The following ADAMTS19 variants were observed in gnomAD, a reference collection of about 807,000 sequenced individuals.
ADAMTS19 encodes the protein A disintegrin and metalloproteinase with thrombospondin motifs 19.
Under a neutral mutation model 153.3 loss-of-function variants are expected in ADAMTS19, and 93 were observed. The observed-to-expected ratio is 0.61, with a 90% confidence interval of 0.51 to 0.72. The LOEUF (loss-of-function observed/expected upper bound fraction) is 0.72, where lower values mean the gene tolerates loss of function less well. Among genes scored for constraint, ADAMTS19 ranks in the 30% least tolerant of loss-of-function variants. ADAMTS19 has a pLI of 0.00. For missense variants in ADAMTS19, 1,482 were observed against 1,552.1 expected (o/e 0.95, Z 0.76); for synonymous variants, 600 against 556.6 (o/e 1.08, Z -1.10).
At chr5:129,619,185 T>C (rs1049160112) in intron 8 of ADAMTS19, among the ~76,000 whole-genome samples, 12 of 151,960 alleles carry the variant, frequency 7.9e-5, no homozygotes, top group Non-Finnish European at 1.6e-4. Context: ...AGACAGCATA[T>C]GGGGTTGCAG....
chr5:129,493,826 T>G (rs1404618675), intron 2 of ADAMTS19, among the ~76,000 whole-genome samples: 2 of 152,162 alleles, frequency 1.3e-5, no homozygotes, highest in African/African-American at 4.8e-5. Context: ...CTAGAGAAGT[T>G]CTACCATTAG....
At chr5:129,608,755 G>T (rs1013185119) in intron 8 of ADAMTS19, among the ~76,000 whole-genome samples, 1 of 150,932 alleles carries the variant, frequency 6.6e-6, no homozygotes, top group African/African-American at 2.4e-5. Context: ...CTTGAGACCT[G>T]AGAATTGCTC....
chr5:129,612,713 T>A (rs974073447), intron 8 of ADAMTS19, among the ~76,000 whole-genome samples: 18 of 152,118 alleles, frequency 1.2e-4, no homozygotes, highest in Non-Finnish European at 2.6e-4. Flanking sequence ...GTAAATGGGC[T>A]AAATGCTCCA....
chr5:129,526,103 G>A (rs1561551459), intron 3 of ADAMTS19, among the ~76,000 whole-genome samples, 181 bp from the exon 4 acceptor site: 1 of 151,972 alleles, frequency 6.6e-6, no homozygotes, highest in Non-Finnish European at 1.5e-5. Flanking sequence ...TAAAATGGCA[G>A]AACTAATAAG....
intron 18 of ADAMTS19, among the ~76,000 whole-genome samples, chr5:129,694,079 C>T (rs935680843): frequency 2.6e-4 from 39 of 152,116 alleles, no homozygotes; most frequent in Admixed American, 1.4e-3. Context: ...ATAGAGCTTT[C>T]CACCACTTAA....
chr5:129,650,814 A>G (rs1342385774), intron 13 of ADAMTS19, among the ~76,000 whole-genome samples: 1 of 152,134 alleles, frequency 6.6e-6, no homozygotes, highest in Non-Finnish European at 1.5e-5. Context: ...TGGTGCACCT[A>G]CATGTTTCTC....
intron 3 of ADAMTS19, among the ~76,000 whole-genome samples, chr5:129,522,330 CACATATATATATATATATATAT>C (rs1005094328): frequency 1.4e-5 from 1 of 70,972 alleles, no homozygotes; most frequent in African/African-American, 6.9e-5. Flanking sequence ...CACACACACA[CACATATATATATATATATATAT>C]ATATATATAT....
chr5:129,721,103 C>A (rs1262426251), intron 21 of ADAMTS19, among the ~76,000 whole-genome samples: 2 of 152,172 alleles, frequency 1.3e-5, no homozygotes, highest in African/African-American at 4.8e-5. Context: ...GCTTGTGTAG[C>A]CCCTTTGAAT....
At chr5:129,477,144 AT>A (rs1750252840) in intron 2 of ADAMTS19, among the ~76,000 whole-genome samples, 1 of 152,166 alleles carries the variant, frequency 6.6e-6, no homozygotes, top group African/African-American at 2.4e-5. Context: ...TCAAAATTTT[AT>A]TCCTGTATGT....
At chr5:129,535,384 A>G (rs1268039228) in intron 6 of ADAMTS19, among the ~76,000 whole-genome samples, 1 of 152,182 alleles carries the variant, frequency 6.6e-6, no homozygotes, top group Non-Finnish European at 1.5e-5. Flanking sequence ...AAGGAGAACT[A>G]CAAACCACTG....
chr5:129,649,650 G>A (rs1377538066), intron 13 of ADAMTS19, among the ~76,000 whole-genome samples: 7 of 151,986 alleles, frequency 4.6e-5, no homozygotes, highest in East Asian at 3.9e-4. Flanking sequence ...CCTTGATTGC[G>A]GCAGTGGTTG....
chr5:129,708,172 A>G (rs1317081304), intron 21 of ADAMTS19, among the ~76,000 whole-genome samples: 1 of 152,228 alleles, frequency 6.6e-6, no homozygotes, highest in Non-Finnish European at 1.5e-5. Context: ...TTACGTCATA[A>G]AATTGTTGCC....
intron 7 of ADAMTS19, among the ~76,000 whole-genome samples, chr5:129,592,377 CAAA>C (rs1169388973): frequency 2.5e-5 from 2 of 79,580 alleles, no homozygotes; most frequent in African/African-American, 8.4e-5. Context: ...GTCTCCGTTT[CAAA>C]AAAAAAAAAA....
intron 16 of ADAMTS19, among the ~76,000 whole-genome samples, chr5:129,676,888 T>C (rs1473996351): frequency 6.6e-6 from 1 of 152,176 alleles, no homozygotes; most frequent in East Asian, 1.9e-4. Flanking sequence ...TGAATCTAAA[T>C]GTACTCTAGT....
intron 8 of ADAMTS19, among the ~76,000 whole-genome samples, chr5:129,602,062 T>A (rs138553215): frequency 6.6e-6 from 1 of 152,366 alleles, no homozygotes; most frequent in East Asian, 1.9e-4. Flanking sequence ...CCACTCAAAC[T>A]TGTGAACTCT....
At chr5:129,685,491 A>G (rs1755042582) in intron 18 of ADAMTS19, among the ~76,000 whole-genome samples, 1 of 152,164 alleles carries the variant, frequency 6.6e-6, no homozygotes, top group Non-Finnish European at 1.5e-5. Flanking sequence ...ATGTAGACTG[A>G]CAATGATTGT....
At chr5:129,665,099 T>C (rs1753983157) in intron 15 of ADAMTS19, among the ~76,000 whole-genome samples, 1 of 152,138 alleles carries the variant, frequency 6.6e-6, no homozygotes, top group Admixed American at 6.5e-5. Context: ...TCCGGCTATA[T>C]ATTCTTTTTC....
At chr5:129,514,152 T>TG (rs34506339) in intron 3 of ADAMTS19, among the ~76,000 whole-genome samples, 121,059 of 151,896 alleles carry the variant, frequency 0.8, 48,892 homozygotes, top group African/African-American at 0.94. Context: ...AATATTTCAT[T>TG]TGTATAAGTA....
intron 2 of ADAMTS19, among the ~76,000 whole-genome samples, chr5:129,486,984 C>T (rs990932352): frequency 1.3e-5 from 2 of 152,144 alleles, no homozygotes; most frequent in African/African-American, 4.8e-5. Flanking sequence ...CAGTCCTTCT[C>T]TCCTTTATTT....
Sources: gnomAD v4.1 joint callset for allele counts (sites outside exome capture counted in the v4.1 genomes callset) on GRCh38, gnomAD v4.1.1 for gene constraint, MANE v1.5 for transcripts, NCBI Gene and HGNC (gene_info 2026-07-23, HGNC 2026-07-21) for gene names.